Variants in ZMYM2 observed in about 807,000 individuals in gnomAD.
ZMYM2 encodes the protein zinc finger MYM-type containing 2, also known as zinc finger MYM-type protein 2.
Under a neutral mutation model 162.8 loss-of-function variants are expected in ZMYM2, and 56 were observed. The observed-to-expected ratio is 0.34, with a 90% CI of 0.28 to 0.43. The LOEUF (loss-of-function observed/expected upper bound fraction) is 0.43, where lower values mean the gene tolerates loss of function less well. ZMYM2 is among the 20% of genes least tolerant of loss of function. The pLI is 1.00. For missense variants in ZMYM2, 1,275 were observed against 1,621.8 expected, an observed-to-expected ratio of 0.79 and a Z score of 3.67; for synonymous variants, 510 against 541.6, an observed-to-expected ratio of 0.94 and a Z score of 0.81.
chr13:20,078,503 A>G (rs568028965), intron 21 of ZMYM2, among the ~76,000 whole-genome samples: 2 of 152,346 alleles, frequency 1.3e-5, no homozygotes, highest in South Asian at 4.1e-4. Flanking sequence ...AAACATGCCA[A>G]TAGTCTGAAC....
At chr13:19,957,792 C>A (rs1414489343), upstream of ZMYM2, among the ~76,000 whole-genome samples, 1 of 152,220 alleles carries the variant, frequency 6.6e-6, no homozygotes, top group Non-Finnish European at 1.5e-5. Flanking sequence ...CCCCTCCAAC[C>A]GGTGGGAGCC....
chr13:19,989,973 A>G (rs988390884), intron 2 of ZMYM2, among the ~76,000 whole-genome samples: 9 of 152,052 alleles, frequency 5.9e-5, no homozygotes, highest in South Asian at 4.1e-4. Context: ...AGCCACTGTC[A>G]TCTCTCACTT....
chr13:19,989,216 C>CTTTTTAA (rs1219860590), intron 2 of ZMYM2, among the ~76,000 whole-genome samples: 1 of 152,108 alleles, frequency 6.6e-6, no homozygotes, highest in African/African-American at 2.4e-5. Flanking sequence ...TGTTCTCTAA[C>CTTTTTAA]TTTTTAATTT....
At chr13:20,019,170 ATGACT>A (rs893617520) in intron 6 of ZMYM2, among the ~76,000 whole-genome samples, 4 of 152,114 alleles carry the variant, frequency 2.6e-5, no homozygotes, top group African/African-American at 9.7e-5. Flanking sequence ...TAATCTCCAA[ATGACT>A]TAATTTAGAA....
chr13:19,947,694 G>T, the ZMYM2 span, among the ~76,000 whole-genome samples: 3 of 151,346 alleles, frequency 2.0e-5, no homozygotes, highest in East Asian at 1.9e-4. Flanking sequence ...GGCTAGTCTC[G>T]AATTGTCTCG....
intron 21 of ZMYM2, among the ~76,000 whole-genome samples, chr13:20,076,966 C>T (rs1469563030): frequency 6.7e-6 from 1 of 150,186 alleles, no homozygotes; most frequent in Non-Finnish European, 1.5e-5. Context: ...CTCCCGAGTA[C>T]CTGGGACTAC....
the ZMYM2 span, among the ~76,000 whole-genome samples, chr13:19,904,174 T>C: frequency 7.3e-6 from 1 of 137,556 alleles, no homozygotes; most frequent in African/African-American, 2.5e-5. Flanking sequence ...CAGAGGTGGA[T>C]TTATGTAGTT....
the ZMYM2 span, among the ~76,000 whole-genome samples, chr13:19,881,398 G>A: frequency 6.6e-6 from 1 of 151,768 alleles, no homozygotes; most frequent in Admixed American, 6.6e-5. Flanking sequence ...GAGGTGGGCG[G>A]ATCACTTGAG....
chr13:19,872,756 T>C, the ZMYM2 span, among the ~76,000 whole-genome samples: 4 of 152,148 alleles, frequency 2.6e-5, no homozygotes, highest in South Asian at 6.2e-4. Flanking sequence ...CCCAGCACTT[T>C]GGGAGGCTGA....
rs1488275346 is a variant in ZMYM2 at position 20,081,947 on chromosome 13, G to C, written c.3454-69G>C. 6 of 932,260 alleles carry C rather than the reference G, an allele frequency of 6.4e-6. No individual in the cohort carries two copies. In the Admixed American group the frequency reaches 2.1e-4, roughly 32 times the overall value. 57.7% of individuals were successfully genotyped at this position (932,260 alleles called of 1,614,324 possible). On this transcript the variant is annotated intron_variant, in intron 21 of 24. Transcript: ENST00000610343. ...ATTTTTTTCTTAAGAAATACGGAGT[G>C]TAATATGTTTACTATAATTAGCTGA...
At chr13:20,011,586 T>A (rs9508999) in intron 6 of ZMYM2, among the ~76,000 whole-genome samples, 1 of 151,070 alleles carries the variant, frequency 6.6e-6, no homozygotes, top group African/African-American at 2.4e-5. Flanking sequence ...TTATTTTTTT[T>A]TTTTTTGAGG....
the ZMYM2 span, among the ~76,000 whole-genome samples, chr13:19,889,226 G>A: frequency 5.6e-3 from 848 of 152,066 alleles, 8 homozygotes; most frequent in Non-Finnish European, 9.7e-3. Context: ...GATACCTTGC[G>A]CCAAAACCCT....
At chr13:20,071,352 AAAC>A (rs1363833854) in intron 21 of ZMYM2, among the ~76,000 whole-genome samples, 3 of 152,378 alleles carry the variant, frequency 2.0e-5, no homozygotes, top group Non-Finnish European at 4.4e-5. Flanking sequence ...CAAAATGCGT[AAAC>A]AACAAAGGAA....
chr13:19,874,365 G>T, the ZMYM2 span, among the ~76,000 whole-genome samples: 2 of 152,052 alleles, frequency 1.3e-5, no homozygotes, highest in Non-Finnish European at 2.9e-5. Flanking sequence ...GACTTCAGGT[G>T]TGCACCACCA....
At chr13:20,042,419 T>G (rs567046299) in intron 12 of ZMYM2, among the ~76,000 whole-genome samples, 1 of 152,262 alleles carries the variant, frequency 6.6e-6, no homozygotes, top group East Asian at 1.9e-4. Flanking sequence ...TCAGTTACAT[T>G]CTTTTCTATA....
At chr13:19,882,088 TA>T in the ZMYM2 span, among the ~76,000 whole-genome samples, 1 of 152,064 alleles carries the variant, frequency 6.6e-6, no homozygotes, top group African/African-American at 2.4e-5. Context: ...AATCAATTCT[TA>T]GATGAAAACA....
At chr13:19,905,572 C>G in the ZMYM2 span, among the ~76,000 whole-genome samples, 1 of 152,178 alleles carries the variant, frequency 6.6e-6, no homozygotes, top group Non-Finnish European at 1.5e-5. Context: ...AGAGACAGCC[C>G]TTGTGCCCCA....
At chr13:19,918,369 T>G in the ZMYM2 span, among the ~76,000 whole-genome samples, 550 of 150,518 alleles carry the variant, frequency 3.7e-3, 3 homozygotes, top group African/African-American at 0.013. Context: ...CGCTTGAGCC[T>G]GGGAGGTGGA....
At chr13:19,909,431 G>GTTTT in the ZMYM2 span, among the ~76,000 whole-genome samples, 1 of 96,184 alleles carries the variant, frequency 1.0e-5, no homozygotes. Context: ...TGCCTTTTTC[G>GTTTT]TTTTTTTTTT....
Sources: gnomAD v4.1 joint callset for allele counts (sites outside exome capture counted in the v4.1 genomes callset) on GRCh38, gnomAD v4.1.1 for gene constraint, MANE v1.5 for transcripts, NCBI Gene and HGNC (gene_info 2026-07-23, HGNC 2026-07-21) for gene names.